The following TMEM242 variants were observed in gnomAD, a reference collection of about 807,000 sequenced individuals.
TMEM242 encodes UPF0463 transmembrane protein C6orf35.
Under a neutral mutation model 18.2 loss-of-function variants are expected in TMEM242, and 10 were observed. The observed-to-expected ratio is 0.55, with a 90% CI of 0.34 to 0.93. The LOEUF (loss-of-function observed/expected upper bound fraction) is 0.93. Ranked by LOEUF, TMEM242 falls within the 40% of genes least tolerant of loss-of-function variation. The pLI, the probability that TMEM242 is intolerant of heterozygous loss-of-function variation, is 0.02. For missense variants in TMEM242, 186 were observed against 175.5 expected (o/e 1.06, Z -0.34); for synonymous variants, 57 against 69.9 (o/e 0.81, Z 0.92).
rs587775774 is a variant in TMEM242, at chr6:157,317,181, T to A, written c.327+1601A>T. Among the ~76,000 whole-genome samples, 4 of 152,272 alleles carry A rather than the reference T, an allele frequency of 2.6e-5. No individual in the cohort carries two copies. In the South Asian group the frequency reaches 8.3e-4, roughly 32 times the overall value. ...ATTCTTTTTTCCAGCTATGACCCCA[T>A]TTCCTTCCTTCACTTTGTGGCAAAA... On this transcript the variant is annotated intron_variant, in intron 3 of 3. Transcript: ENST00000400788.
intron 3 of TMEM242, among the ~76,000 whole-genome samples, chr6:157,293,304 C>G (rs1220830175): frequency 6.6e-6 from 1 of 152,166 alleles, no homozygotes; most frequent in South Asian, 2.1e-4. Flanking sequence ...ATTGCTTGAG[C>G]CCAGGAGTTT....
At chr6:157,313,430 C>G (rs1583571865) in intron 3 of TMEM242, among the ~76,000 whole-genome samples, 7 of 150,490 alleles carry the variant, frequency 4.7e-5, no homozygotes, top group Non-Finnish European at 7.4e-5. Flanking sequence ...CTCACCTGGC[C>G]TCATCATAGT....
At chr6:157,307,512 A>G (rs1777931380) in intron 3 of TMEM242, among the ~76,000 whole-genome samples, 1 of 152,202 alleles carries the variant, frequency 6.6e-6, no homozygotes, top group Admixed American at 6.5e-5. Flanking sequence ...TACATTGGTC[A>G]TTATCTCCCA....
At chr6:157,294,810 CTG>C (rs1251349075) in intron 3 of TMEM242, among the ~76,000 whole-genome samples, 1 of 152,206 alleles carries the variant, frequency 6.6e-6, no homozygotes, top group African/African-American at 2.4e-5. Flanking sequence ...CTGCTGCAAA[CTG>C]TAGCACTGCT....
chr6:157,300,012 G>T, intron 3 of TMEM242: 1 of 1,208,496 alleles, frequency 8.3e-7, no homozygotes, highest in Non-Finnish European at 1.2e-6. Context: ...GGGGTGAAGA[G>T]CCAGGCGCCC....
intron 3 of TMEM242, among the ~76,000 whole-genome samples, chr6:157,303,709 C>T (rs370247395): frequency 1.3e-5 from 2 of 152,034 alleles, no homozygotes; most frequent in African/African-American, 2.4e-5. Context: ...CATAAACTCA[C>T]CAGCATGAAC....
rs145402053 is a variant in TMEM242, at chr6:157,315,484, T to C, written c.327+3298A>G. On this transcript the variant is annotated intron_variant, in intron 3 of 3. Transcript: ENST00000400788. ...TCAAACTGATATGCCTAATGATCTA[T>C]ATGCAGAGAGAGTGCATATGCAGTC... Among the ~76,000 whole-genome samples the C allele has an allele frequency of 5.2e-3, 794 of 152,320 alleles. 2 individuals carry two copies. The highest frequency in any genetic ancestry group is 0.01 in the Middle Eastern group (3 of 294).
intron 2 of TMEM242, among the ~76,000 whole-genome samples, chr6:157,321,158 G>A (rs1347957910): frequency 2.6e-5 from 4 of 151,674 alleles, no homozygotes; most frequent in Admixed American, 6.6e-5. Flanking sequence ...ACAGGCACCC[G>A]CCACCCGCCC....
chr6:157,319,727 G>A (rs1033810935), intron 2 of TMEM242, among the ~76,000 whole-genome samples: 1 of 152,174 alleles, frequency 6.6e-6, no homozygotes, highest in African/African-American at 2.4e-5. Context: ...CTCTGGGGTT[G>A]CAATTTGAAT....
At chr6:157,314,574 G>T (rs903448695) in intron 3 of TMEM242, among the ~76,000 whole-genome samples, 4 of 152,206 alleles carry the variant, frequency 2.6e-5, no homozygotes, top group Admixed American at 6.5e-5. Context: ...CGGGGAGCAG[G>T]GTAGATACTG....
At chr6:157,294,347 C>CTT (rs587765277) in intron 3 of TMEM242, among the ~76,000 whole-genome samples, 2,951 of 115,178 alleles carry the variant, frequency 0.026, 76 homozygotes, top group African/African-American at 0.049. Context: ...CAAGTCATTT[C>CTT]TTTTTTTTTT....
intron 1 of TMEM242, 59 bp downstream of exon 1, chr6:157,323,353 A>G: frequency 6.4e-7 from 1 of 1,567,926 alleles, no homozygotes. Flanking sequence ...GCTCCAGAGC[A>G]AGCCAGGGTC....
At chr6:157,313,154 C>G (rs1554249639) in intron 3 of TMEM242, among the ~76,000 whole-genome samples, 7 of 147,014 alleles carry the variant, frequency 4.8e-5, no homozygotes, top group South Asian at 2.2e-4. Context: ...GTGCGCTCAC[C>G]TGGCCTCATC....
intron 2 of TMEM242, among the ~76,000 whole-genome samples, chr6:157,319,464 T>G (rs959588508): frequency 2.0e-5 from 3 of 152,244 alleles, no homozygotes; most frequent in African/African-American, 7.2e-5. Context: ...TCTATTTTAA[T>G]AGATCGACCA....
intron 1 of TMEM242, 150 bp downstream of exon 1, chr6:157,323,262 G>A: frequency 1.2e-6 from 1 of 858,366 alleles, no homozygotes; most frequent in Non-Finnish European, 1.8e-6. Context: ...TACCCTCCCT[G>A]GGCCGCCAGA....
In TMEM242 at chr6:157,318,837, C is replaced by A. The variant is rs782472719; in HGVS notation, c.272G>T (p.Trp91Leu). The change falls in exon 3 of 4, where the codon TGG becomes TTG. Residue 91 changes from tryptophan to leucine, a missense_variant. Physicochemically the swap from Trp to Leu is moderately conservative, Grantham distance 61. Coordinates refer to ENST00000400788, the MANE Select transcript of TMEM242 (RefSeq NM_018452.6). ...GAAGCTAATCACACCAACCCCACAC[C>A]ATGCATACAGGGAGCCCCAGCCCAG... ...RALGWGSLYA[W>L]CGVGVISFAV... The A allele has an allele frequency of 9.9e-6, 16 of 1,614,024 alleles. No individual in the cohort carries two copies. The highest frequency in any genetic ancestry group is 1.4e-5 in the Non-Finnish European group (16 of 1,180,004).
At chr6:157,299,862 G>A in intron 3 of TMEM242, 1 of 1,613,084 alleles carries the variant, frequency 6.2e-7, no homozygotes. Flanking sequence ...AGATCCACAA[G>A]GGCAAGTTCA....
At position 157,289,915 on chromosome 6, in the gene TMEM242, C is replaced by G. The variant is rs1379744071; in HGVS notation, c.*2986G>C. 2 of 152,246 alleles carry G rather than the reference C, an allele frequency of 1.3e-5. No homozygotes were observed. Among genetic ancestry groups the G allele is most frequent in the African/African-American group, 4.8e-5 (2 of 41,464 alleles). 9.4% of individuals were successfully genotyped at this position (152,246 alleles called of 1,614,324 possible). ...GATGGCCCACGACCCTCTCAGCAGC[C>G]ACATGCTTCCATGCCCTTGGGCCAT... On this transcript the variant is annotated 3_prime_UTR_variant, in exon 4 of 4. Coordinates refer to ENST00000400788, the MANE Select transcript of TMEM242 (RefSeq NM_018452.6).
At chr6:157,308,675 G>A (rs1777948492) in intron 3 of TMEM242, among the ~76,000 whole-genome samples, 1 of 151,706 alleles carries the variant, frequency 6.6e-6, no homozygotes, top group African/African-American at 2.4e-5. Flanking sequence ...AGCTGTGCAA[G>A]ATGCCAATCA....
Sources: allele counts gnomAD v4.1 joint callset (sites outside exome capture counted in the v4.1 genomes callset), GRCh38; gene constraint gnomAD v4.1.1; transcripts MANE v1.5; gene names NCBI Gene and HGNC (gene_info 2026-07-23, HGNC 2026-07-21).